UNC79: variants seen among roughly 807,000 people sequenced by gnomAD.
UNC79 encodes the protein unc-79 subunit of NALCN channel complex.
A neutral mutation model predicts 283.1 loss-of-function variants in UNC79; 37 were observed. The observed-to-expected ratio is 0.13, with a 90% confidence interval of 0.10 to 0.17. The LOEUF (loss-of-function observed/expected upper bound fraction) is 0.17. Ranked by LOEUF, UNC79 falls within the 10% of genes least tolerant of loss-of-function variation. UNC79 has a pLI of 1.00. For missense variants in UNC79, 2,272 were observed against 3,211.1 expected (o/e 0.71, Z 7.07); for synonymous variants, 1,107 against 1,200.2 (o/e 0.92, Z 1.61).
rs2066816027 is a variant in UNC79 at position 93,617,512 on chromosome 14, T to C, written c.4224+208T>C. 6.6e-6 allele frequency among the ~76,000 whole-genome samples: 1 copy of C among 152,172 alleles called. No homozygotes were observed. Among genetic ancestry groups the C allele is most frequent in the Non-Finnish European group, 1.5e-5 (1 of 68,030 alleles). On this transcript the variant is annotated intron_variant, in intron 28 of 48. Transcript: ENST00000555664. The surrounding 1 kb of genome is among the most constrained non-coding windows in gnomAD (Gnocchi z 4.5). ...GCCCTGTTAATATATGCTCTAAAAATGTTTAAAACAAAGAATGATAAATGG... is the reference window on the plus strand; with the variant it reads ...GCCCTGTTAATATATGCTCTAAAAACGTTTAAAACAAAGAATGATAAATGG...
At chr14:93,600,699 A>C in exon 25 of UNC79, 1 of 1,613,882 alleles carries the variant, frequency 6.2e-7, no homozygotes, top group African/African-American at 1.3e-5. Flanking sequence ...TTCTTTGTCA[A>C]TAGATTTGAG....
At chr14:93,665,056 T>A (rs530548845) in intron 40 of UNC79, among the ~76,000 whole-genome samples, 6 of 151,754 alleles carry the variant, frequency 4.0e-5, no homozygotes, top group African/African-American at 1.4e-4. Context: ...GATATACATA[T>A]CATTAAAAAT....
At chr14:93,514,657 C>T (rs1567033580) in intron 7 of UNC79, among the ~76,000 whole-genome samples, 1 of 152,160 alleles carries the variant, frequency 6.6e-6, no homozygotes, top group Non-Finnish European at 1.5e-5. Context: ...TCCGCCTTAG[C>T]ATTTCTTTAT....
chr14:93,597,594 A>G, intron 24 of UNC79, 54 bp downstream of exon 24: 1 of 1,554,192 alleles, frequency 6.4e-7, no homozygotes, highest in Non-Finnish European at 8.7e-7. Context: ...CAGCACTACT[A>G]AATCATTGCG....
chr14:93,477,865 A>C (rs2057893395), intron 4 of UNC79, 137 bp downstream of exon 4: 7 of 822,592 alleles, frequency 8.5e-6, no homozygotes, highest in African/African-American at 1.7e-5. Flanking sequence ...ATTTCAATTC[A>C]GTCACTTTAG....
intron 1 of UNC79, chr14:93,347,155 C>G: frequency 1.5e-6 from 2 of 1,309,584 alleles, no homozygotes; most frequent in Non-Finnish European, 1.0e-6. Context: ...AGAGCGCCCC[C>G]TCGTGGCTGG....
chr14:93,433,899 G>T (rs999168329), intron 1 of UNC79, among the ~76,000 whole-genome samples: 1 of 152,134 alleles, frequency 6.6e-6, no homozygotes, highest in African/African-American at 2.4e-5. Context: ...TTTCTTTTGT[G>T]AGATAAGTAA....
exon 30 of UNC79, chr14:93,622,654 A>G (rs2067224035): frequency 1.2e-6 from 2 of 1,614,214 alleles, no homozygotes; most frequent in East Asian, 2.2e-5. Context: ...ATACCAGTGC[A>G]GAATCTGATA....
At chr14:93,536,708 C>G (rs368559133) in intron 11 of UNC79, among the ~76,000 whole-genome samples, 1 of 151,700 alleles carries the variant, frequency 6.6e-6, no homozygotes. Context: ...TTCTTAGAAC[C>G]CTTATTGTTG....
intron 35 of UNC79, 148 bp from the exon 39 acceptor site, chr14:93,653,594 G>A (rs2070559226): frequency 4.0e-6 from 3 of 746,982 alleles, no homozygotes; most frequent in East Asian, 2.5e-5. Flanking sequence ...GATTAGGTTT[G>A]AGTAGAATAT....
chr14:93,549,124 T>G (rs2061747561), intron 14 of UNC79, among the ~76,000 whole-genome samples: 2 of 152,236 alleles, frequency 1.3e-5, no homozygotes, highest in South Asian at 4.1e-4. Flanking sequence ...TGTTAATATT[T>G]TATCCTACTT....
At chr14:93,567,312 G>A (rs988018492) in intron 14 of UNC79, among the ~76,000 whole-genome samples, 4 of 152,098 alleles carry the variant, frequency 2.6e-5, no homozygotes, top group Admixed American at 2.0e-4. Context: ...TGCAACCTCC[G>A]CCTCCCAGGT....
At chr14:93,371,580 C>T (rs147604921) in intron 1 of UNC79, among the ~76,000 whole-genome samples, 1,966 of 152,204 alleles carry the variant, frequency 0.013, 46 homozygotes, top group African/African-American at 0.045. Flanking sequence ...GTGGCTCACG[C>T]CTGTAATCCC....
chr14:93,554,886 G>A (rs1209152237), intron 14 of UNC79, among the ~76,000 whole-genome samples: 2 of 152,128 alleles, frequency 1.3e-5, no homozygotes, highest in African/African-American at 4.8e-5. Context: ...AATTTTTAGT[G>A]TATGCAACTT....
rs571285492 is a variant in UNC79, at chr14:93,510,666, A to G, written c.899-13312A>G. On this transcript the variant is annotated intron_variant, in intron 7 of 48. Coordinates refer to ENST00000555664, the Ensembl canonical transcript of UNC79. Reference sequence around the variant, plus strand: ...AGAGTGACCTTTACTCCAGTTCTCAATAAGTTCCTCATCTCCATCGGAGAC... The same window carrying G: ...AGAGTGACCTTTACTCCAGTTCTCAGTAAGTTCCTCATCTCCATCGGAGAC... Among the ~76,000 whole-genome samples the G allele has an allele frequency of 2.6e-5, 4 of 152,322 alleles. No individual in the cohort carries two copies. The South Asian group carries it at 6.2e-4, about 24-fold the overall frequency.
chr14:93,680,486 T>C (rs74073870), intron 41 of UNC79, among the ~76,000 whole-genome samples: 4,088 of 152,336 alleles, frequency 0.027, 197 homozygotes, highest in African/African-American at 0.094. Flanking sequence ...ATATCATTTC[T>C]GATGTAAATA....
intron 5 of UNC79, among the ~76,000 whole-genome samples, chr14:93,495,057 G>A (rs1438903612): frequency 6.6e-6 from 1 of 152,134 alleles, no homozygotes; most frequent in African/African-American, 2.4e-5. Flanking sequence ...CTCCCCAGCA[G>A]ATTTTCTCTT....
In UNC79 at chr14:93,668,352, A is replaced by G. The variant is rs150051901; in HGVS notation, c.6637-4999A>G. 4.2e-3 allele frequency among the ~76,000 whole-genome samples: 646 copies of G among 152,338 alleles called. 4 individuals carry two copies. The highest frequency in any genetic ancestry group is 7.3e-3 in the Non-Finnish European group (498 of 68,034). ...AATCACCAAATTTTAATATTCAACT[A>G]CAGATGATTATAAAACATACTTTTA... On this transcript the variant is annotated intron_variant, in intron 40 of 48. Transcript: ENST00000555664.
At chr14:93,630,806 T>G in exon 31 of UNC79, 1 of 1,613,708 alleles carries the variant, frequency 6.2e-7, no homozygotes, top group Non-Finnish European at 8.5e-7. Flanking sequence ...TGTAGATCCT[T>G]CTACTAAAGG....
Sources: gnomAD v4.1 joint callset for allele counts (sites outside exome capture counted in the v4.1 genomes callset) on GRCh38, gnomAD v4.1.1 for gene constraint, Gnocchi (gnomAD v3.1) non-coding constraint, MANE v1.5 for transcripts, NCBI Gene and HGNC (gene_info 2026-07-23, HGNC 2026-07-21) for gene names.